GPBP1L1: variants seen among roughly 807,000 people sequenced by gnomAD.
GPBP1L1 encodes the protein GC-rich promoter binding protein 1 like 1.
In GPBP1L1, 23 loss-of-function variants were observed where a neutral mutation model predicts 52.5. The ratio of observed to expected loss-of-function variants is 0.44; its 90% CI spans 0.32 to 0.62. The LOEUF is 0.62. GPBP1L1 is among the 20% of genes least tolerant of loss of function. The pLI, the probability that GPBP1L1 is intolerant of heterozygous loss-of-function variation, is 0.06. For synonymous variants in GPBP1L1, 243 were observed against 203.1 expected (o/e 1.20, Z -1.67); for missense variants, 596 against 579.3 (o/e 1.03, Z -0.30).
At chr1:45,680,346 C>G (rs1029104203) in intron 2 of GPBP1L1, among the ~76,000 whole-genome samples, 3 of 149,270 alleles carry the variant, frequency 2.0e-5, no homozygotes, top group Non-Finnish European at 3.0e-5. Flanking sequence ...TCCAGTGATT[C>G]TAGTGCCTCA....
At chr1:45,669,239 C>T (rs1043200109) in intron 2 of GPBP1L1, among the ~76,000 whole-genome samples, 2 of 152,208 alleles carry the variant, frequency 1.3e-5, no homozygotes, top group Non-Finnish European at 2.9e-5. Context: ...AATCATAGTT[C>T]ACCATAGCTT....
At chr1:45,674,032 T>A (rs968015161) in intron 2 of GPBP1L1, among the ~76,000 whole-genome samples, 1 of 152,124 alleles carries the variant, frequency 6.6e-6, no homozygotes, top group Non-Finnish European at 1.5e-5. Context: ...GAGCCGAGAT[T>A]GTGCCATTGC....
chr1:45,630,872 C>CCTG, intron 10 of GPBP1L1: 1 of 407,874 alleles, frequency 2.5e-6, no homozygotes, highest in Non-Finnish European at 4.5e-6. Context: ...GACATCAAGA[C>CCTG]TTACCACAAA....
intron 2 of GPBP1L1, among the ~76,000 whole-genome samples, chr1:45,669,661 A>T (rs544272773): frequency 7.2e-5 from 11 of 152,070 alleles, no homozygotes; most frequent in Non-Finnish European, 1.3e-4. Context: ...ATGACTAAGT[A>T]ACATGATTTC....
At chr1:45,652,870 A>C (rs1240027204) in intron 6 of GPBP1L1, among the ~76,000 whole-genome samples, 1 of 152,116 alleles carries the variant, frequency 6.6e-6, no homozygotes, top group Non-Finnish European at 1.5e-5. Flanking sequence ...CCTTAAGTGT[A>C]ATGAGCAACA....
intron 2 of GPBP1L1, among the ~76,000 whole-genome samples, chr1:45,668,615 C>T (rs925738056): frequency 7.2e-5 from 11 of 152,180 alleles, no homozygotes; most frequent in Non-Finnish European, 1.3e-4. Context: ...CGAGATCACA[C>T]CACTGCACTC....
chr1:45,671,669 C>A (rs772442741), intron 2 of GPBP1L1, among the ~76,000 whole-genome samples: 1 of 151,656 alleles, frequency 6.6e-6, no homozygotes, highest in Non-Finnish European at 1.5e-5. Flanking sequence ...AAAGAAAATA[C>A]AAAAATCAGC....
chr1:45,663,212 CTTTTTA>C (rs1192411088), intron 2 of GPBP1L1, among the ~76,000 whole-genome samples: 5 of 152,068 alleles, frequency 3.3e-5, no homozygotes, highest in Admixed American at 3.3e-4. Context: ...CTGGTGCGTA[CTTTTTA>C]TCTTACGAAT....
intron 4 of GPBP1L1, 130 bp from the exon 5 acceptor site, chr1:45,655,449 A>G: frequency 9.7e-7 from 1 of 1,025,818 alleles, no homozygotes; most frequent in Non-Finnish European, 1.5e-6. Context: ...TTGTAAGCAT[A>G]TGGACCCTAA....
intron 6 of GPBP1L1, chr1:45,646,055 G>T: frequency 2.0e-6 from 1 of 495,502 alleles, no homozygotes; most frequent in South Asian, 1.5e-5. Context: ...TTTCAAATTT[G>T]CCAATGTAAC....
At chr1:45,645,758 G>C (rs1004475223) in intron 6 of GPBP1L1, 4 of 348,552 alleles carry the variant, frequency 1.1e-5, no homozygotes, top group African/African-American at 4.9e-5. Flanking sequence ...ACGATATTCC[G>C]AAGTTTTTTG....
chr1:45,636,376 T>G (rs933612900), intron 8 of GPBP1L1, among the ~76,000 whole-genome samples: 1 of 152,200 alleles, frequency 6.6e-6, no homozygotes, highest in Non-Finnish European at 1.5e-5. Flanking sequence ...AAGCAATTAC[T>G]TATAACTGTT....
At chr1:45,631,538 T>C (rs987269227) in intron 10 of GPBP1L1, among the ~76,000 whole-genome samples, 4 of 152,176 alleles carry the variant, frequency 2.6e-5, no homozygotes, top group African/African-American at 9.7e-5. Flanking sequence ...GTTGGGATTA[T>C]AGGTTTGAGC....
chr1:45,636,222 T>C (rs1015362880), intron 8 of GPBP1L1, among the ~76,000 whole-genome samples: 2 of 152,202 alleles, frequency 1.3e-5, no homozygotes, highest in African/African-American at 2.4e-5. Context: ...TTTTCCCTTC[T>C]TGATTTCCTG....
chr1:45,653,770 C>T lies in GPBP1L1; in HGVS notation c.477+773G>A, dbSNP rs938848083. Reference sequence around the variant, plus strand: ...CTGGAGTGTAATGGCGCAATCTCAGCCCACTGCAACCTCTGCCACCTGGGT... The same window carrying T: ...CTGGAGTGTAATGGCGCAATCTCAGTCCACTGCAACCTCTGCCACCTGGGT... On this transcript the variant is annotated intron_variant, in intron 6 of 12. Coordinates refer to ENST00000355105, the MANE Select transcript of GPBP1L1 (RefSeq NM_021639.5). Among the ~76,000 whole-genome samples, 12 of 150,388 alleles carry T rather than the reference C, an allele frequency of 8.0e-5. No individual in the cohort carries two copies. In the East Asian group the frequency reaches 2.2e-3, roughly 27 times the overall value.
intron 6 of GPBP1L1, among the ~76,000 whole-genome samples, chr1:45,652,181 C>T (rs534125941): frequency 1.3e-4 from 20 of 152,202 alleles, no homozygotes; most frequent in Non-Finnish European, 2.1e-4. Context: ...AAAGATGTCT[C>T]CATATAATGC....
At chr1:45,628,922 A>G (rs1232562816) in intron 12 of GPBP1L1, among the ~76,000 whole-genome samples, 2 of 152,194 alleles carry the variant, frequency 1.3e-5, no homozygotes, top group Non-Finnish European at 2.9e-5. Context: ...TCGGCCTCCC[A>G]AAGTGTTGGG....
chr1:45,631,089 T>TAA (rs57585739), intron 10 of GPBP1L1, among the ~76,000 whole-genome samples: 2 of 143,398 alleles, frequency 1.4e-5, no homozygotes, highest in Non-Finnish European at 3.1e-5. Flanking sequence ...ACAGCCACAC[T>TAA]AAAAAAAAAA....
At chr1:45,659,688 A>T (rs942145756) in intron 3 of GPBP1L1, among the ~76,000 whole-genome samples, 7 of 152,346 alleles carry the variant, frequency 4.6e-5, no homozygotes, top group South Asian at 2.1e-4. Flanking sequence ...TCACACCTGT[A>T]ATCCCAGCAC....
Sources: gnomAD v4.1 joint callset for allele counts (sites outside exome capture counted in the v4.1 genomes callset) on GRCh38, gnomAD v4.1.1 for gene constraint, MANE v1.5 for transcripts, NCBI Gene and HGNC (gene_info 2026-07-23, HGNC 2026-07-21) for gene names.